The following SCGB2A1 variants were observed in gnomAD, a reference collection of about 807,000 sequenced individuals.
The protein encoded by SCGB2A1 is secretoglobin family 2A member 1, also known as mammaglobin-B.
In SCGB2A1, 6 loss-of-function variants were observed where a neutral mutation model predicts 9.2. The observed-to-expected ratio is 0.66, with a 90% CI of 0.36 to 1.29. The LOEUF is 1.29. SCGB2A1 is among the 50% of genes most tolerant of loss of function. The pLI is 0.03. For synonymous variants in SCGB2A1, 37 were observed against 41.0 expected, an observed-to-expected ratio of 0.90 and a Z score of 0.37; for missense variants, 138 against 116.9, an observed-to-expected ratio of 1.18 and a Z score of -0.83.
At chr11:62,210,870 C>T (rs79723895) in intron 2 of SCGB2A1, among the ~76,000 whole-genome samples, 3,305 of 151,766 alleles carry the variant, frequency 0.022, 126 homozygotes, top group African/African-American at 0.076. Context: ...GACACAGACA[C>T]ACATAAGCAC....
rs766934712 is a variant in SCGB2A1, at chr11:62,210,423, C to T, written c.66C>T (p.Cys22=). ...TTTTTTTTTTTCCAGATTCTGGCTG[C>T]AAACTCCTGGAGGACATGGTTGAAA... ...LLLHCYADSG[C]KLLEDMVEKT... Residue 22 remains cysteine (C), a synonymous_variant, in exon 2 of 3, where the codon TGC becomes TGT. Coordinates refer to ENST00000244930, the MANE Select transcript of SCGB2A1 (RefSeq NM_002407.3). 3 of 1,378,574 alleles carry T rather than the reference C, an allele frequency of 2.2e-6. No homozygotes were observed. The highest frequency in any genetic ancestry group is 3.0e-6 in the Non-Finnish European group (3 of 1,016,202). 85.4% of individuals were successfully genotyped at this position (1,378,574 alleles called of 1,614,324 possible). A position where few individuals can be genotyped will look rare whatever the true frequency, so the allele number is the denominator to read the frequency against.
chr11:62,213,015 C>CATATATACAT (rs1167139450), intron 2 of SCGB2A1, among the ~76,000 whole-genome samples: 6 of 143,770 alleles, frequency 4.2e-5, no homozygotes, highest in African/African-American at 1.6e-4. Context: ...CATATATGCA[C>CATATATACAT]ATATATACAT....
rs1273820900 is a variant in SCGB2A1 at position 62,213,607 on chromosome 11, C to T, written c.244-119C>T. 3 of 955,464 alleles carry T rather than the reference C, an allele frequency of 3.1e-6. No homozygotes were observed. In the African/African-American group the frequency reaches 4.9e-5, roughly 16 times the overall value. The allele number at this position is 955,464 out of a possible 1,614,324, so 59.2% of individuals were successfully genotyped here. On this transcript the variant is annotated intron_variant, in intron 2 of 2. Transcript: ENST00000244930. ...GGGGATGCTGGCTTTGCTTCCACTG[C>T]AAATCCTCCTGAGAGTTAGCTGTTT...
Position 62,213,939 on chromosome 11 carries a change from T to A in SCGB2A1, c.*169T>A. The A allele has an allele frequency of 1.9e-6, 1 of 540,180 alleles. No individual in the cohort carries two copies. Among genetic ancestry groups the A allele is most frequent in the East Asian group, 3.1e-5 (1 of 32,448 alleles). 33.5% of individuals were successfully genotyped at this position (540,180 alleles called of 1,614,324 possible). ...TTTCAATAAACTAACTGCAAATCAC[T>A]AAAATTCTTTCTTGTTCTTCTATAA... On this transcript the variant is annotated 3_prime_UTR_variant, in exon 3 of 3. Transcript: ENST00000244930.
At position 62,213,748 on chromosome 11, in the gene SCGB2A1, G is replaced by T; in HGVS notation, c.266G>T (p.Trp89Leu). 2 of 1,614,012 alleles carry T rather than the reference G, an allele frequency of 1.2e-6. No individual in the cohort carries two copies. Among genetic ancestry groups the T allele is most frequent in the African/African-American group, 1.3e-5 (1 of 75,042 alleles). The change falls in exon 3 of 3, where the codon TGG becomes TTG. Residue 89 changes from tryptophan (W) to leucine (L), a missense_variant. Coordinates refer to ENST00000244930, the MANE Select transcript of SCGB2A1 (RefSeq NM_002407.3). Reference protein sequence around the residue: ...LMMHTVYDSIWCNMKSN With the variant: ...LMMHTVYDSILCNMKSN Reference sequence around the variant, plus strand: ...CAGCATACAGTGTACGACAGCATTTGGTGTAATATGAAGAGTAATTAACTT... The same window carrying T: ...CAGCATACAGTGTACGACAGCATTTTGTGTAATATGAAGAGTAATTAACTT...
At chr11:62,209,593 G>C (rs1944811431) in intron 1 of SCGB2A1, among the ~76,000 whole-genome samples, 1 of 151,612 alleles carries the variant, frequency 6.6e-6, no homozygotes, top group Non-Finnish European at 1.5e-5. Context: ...ACAGTGGGAG[G>C]TGACCTCAGA....
intron 2 of SCGB2A1, among the ~76,000 whole-genome samples, chr11:62,213,077 TACAC>T (rs1175944151): frequency 0.014 from 592 of 42,220 alleles, 14 homozygotes; most frequent in South Asian, 0.03. Context: ...TATACATATA[TACAC>T]ATATATACAC....
Position 62,213,731 on chromosome 11 carries a change from AG to A in SCGB2A1, c.250del (p.Val84CysfsTer9), listed in dbSNP as rs1565121808. On this transcript the variant is annotated frameshift_variant, in exon 3 of 3. Coordinates refer to ENST00000244930, the MANE Select transcript of SCGB2A1 (RefSeq NM_002407.3). LOFTEE classifies it high-confidence loss of function. ...LKNFGLMMHT[V>X]YDSIWCNMKS... ...GACCTGCTTTTGTTTTCCAGCATAC[AG>A]TGTACGACAGCATTTGGTGTAATAT... is the stretch of plus-strand genomic sequence containing the variant. The A allele has an allele frequency of 6.2e-7, 1 of 1,612,644 alleles. No homozygotes were observed. The highest frequency in any genetic ancestry group is 1.3e-5 in the African/African-American group (1 of 74,876).
rs781435681 is a variant in SCGB2A1, at chr11:62,210,617, C to T, written c.243+17C>T. On this transcript the variant is annotated intron_variant, in intron 2 of 2. Coordinates refer to ENST00000244930, the MANE Select transcript of SCGB2A1 (RefSeq NM_002407.3). ...CTGATGATGGTAATTTGGGTTTCTT[C>T]TTATGTACCCTTTGAAAATCACTGA... 2.0e-5 allele frequency: 30 copies of T among 1,498,664 alleles called. No homozygotes were observed. Among genetic ancestry groups the T allele is most frequent in the Non-Finnish European group, 2.7e-5 (30 of 1,131,048 alleles). 92.8% of individuals were successfully genotyped at this position (1,498,664 alleles called of 1,614,324 possible).
At chr11:62,213,525 A>C in intron 2 of SCGB2A1, 1 of 547,856 alleles carries the variant, frequency 1.8e-6, no homozygotes, top group Non-Finnish European at 3.2e-6. Context: ...AGATCCTACA[A>C]CCCTGGCCCC....
intron 1 of SCGB2A1, 110 bp from the exon 2 acceptor site, chr11:62,210,303 T>G (rs1944818206): frequency 7.4e-7 from 1 of 1,348,504 alleles, no homozygotes; most frequent in African/African-American, 1.5e-5. Flanking sequence ...CCTCGGTCTG[T>G]CCCTGGAGGT....
intron 1 of SCGB2A1, among the ~76,000 whole-genome samples, chr11:62,209,620 C>G (rs959727676): frequency 2.0e-5 from 3 of 149,866 alleles, no homozygotes; most frequent in African/African-American, 7.4e-5. Flanking sequence ...CATGAACAAG[C>G]TCTATTTCAC....
intron 2 of SCGB2A1, 98 bp downstream of exon 2, chr11:62,210,698 A>G (rs1411038406): frequency 2.3e-6 from 2 of 887,102 alleles, no homozygotes; most frequent in Non-Finnish European, 3.3e-6. Flanking sequence ...CTGGTGAACA[A>G]ACTTTCTTTA....
At chr11:62,211,788 T>C (rs1298026398) in intron 2 of SCGB2A1, among the ~76,000 whole-genome samples, 2 of 152,202 alleles carry the variant, frequency 1.3e-5, no homozygotes, top group African/African-American at 4.8e-5. Flanking sequence ...ATTAAGTGCC[T>C]CATGAAGTGG....
chr11:62,211,963 C>G (rs189071783), intron 2 of SCGB2A1, among the ~76,000 whole-genome samples: 1 of 152,094 alleles, frequency 6.6e-6, no homozygotes, highest in Non-Finnish European at 1.5e-5. Context: ...GCTCTTGTTG[C>G]TCAGGCTGGA....
At position 62,209,635 on chromosome 11, in the gene SCGB2A1, ATG is replaced by A. The variant is rs60357410; in HGVS notation, c.56-736_56-735del. On this transcript the variant is annotated intron_variant, in intron 1 of 2. Transcript: ENST00000244930. ...CATGAACAAGCTCTATTTCACATTC[ATG>A]TGTGTGTGTGTGTGTGTGTGTGTGT... 3.8e-3 allele frequency among the ~76,000 whole-genome samples: 547 copies of A among 142,192 alleles called. 1 individual carries two copies. The highest frequency in any genetic ancestry group is 0.012 in the African/African-American group (448 of 38,040). 93.3% of individuals were successfully genotyped at this position (142,192 alleles called of 152,430 possible). A position where few individuals can be genotyped will look rare whatever the true frequency, so the allele number is the denominator to read the frequency against.
intron 1 of SCGB2A1, 52 bp from the exon 2 acceptor site, chr11:62,210,361 C>T (rs1944818594): frequency 1.3e-6 from 2 of 1,532,122 alleles, no homozygotes; most frequent in Non-Finnish European, 1.7e-6. Flanking sequence ...AATCACACCT[C>T]TAGTAATGGC....
intron 1 of SCGB2A1, 87 bp from the exon 2 acceptor site, chr11:62,210,326 A>T: frequency 4.0e-6 from 6 of 1,482,472 alleles, no homozygotes; most frequent in Non-Finnish European, 5.4e-6. Flanking sequence ...GAAGATAGCC[A>T]GCTTCCCAAT....
intron 2 of SCGB2A1, among the ~76,000 whole-genome samples, chr11:62,213,105 TA>T (rs1237543180): frequency 0.047 from 1,690 of 35,590 alleles, 102 homozygotes; most frequent in Non-Finnish European, 0.077. Flanking sequence ...TATATATATA[TA>T]TTTTTTTTTT....
Sources: gnomAD v4.1 joint callset for allele counts (sites outside exome capture counted in the v4.1 genomes callset) on GRCh38, gnomAD v4.1.1 for gene constraint, MANE v1.5 for transcripts, NCBI Gene and HGNC (gene_info 2026-07-23, HGNC 2026-07-21) for gene names.